MEIKIN: variants seen among roughly 807,000 people sequenced by gnomAD.
The protein encoded by MEIKIN is meiotic kinetochore factor.
intron 12 of MEIKIN, among the ~76,000 whole-genome samples, chr5:131,813,426 A>ATTT (rs771322836): frequency 9.4e-6 from 1 of 105,838 alleles, no homozygotes; most frequent in Middle Eastern, 5.3e-3. Context: ...ATTTAACTAT[A>ATTT]TTCTTTTTTT....
At chr5:131,868,897 T>C (rs1750436127) in intron 9 of MEIKIN, among the ~76,000 whole-genome samples, 1 of 152,238 alleles carries the variant, frequency 6.6e-6, no homozygotes, top group Admixed American at 6.5e-5. Context: ...CAGATATGTC[T>C]TTTGCAAATA....
Position 131,854,742 on chromosome 5 carries a change from G to A in MEIKIN, c.855+12C>T. The A allele has an allele frequency of 2.5e-6, 1 of 397,708 alleles. No homozygotes were observed. Among genetic ancestry groups the A allele is most frequent in the South Asian group, 1.3e-4 (1 of 7,842 alleles). The allele number at this position is 397,708 out of a possible 1,614,324, so 24.6% of individuals were successfully genotyped here. ...AAAACAGATACTACAAGTGCCAAAT[G>A]CTAATACTTACCACAAAACCAGCTG... On this transcript the variant is annotated intron_variant, in intron 10 of 12. Transcript: ENST00000442687.
chr5:131,850,619 C>T (rs112284874), intron 11 of MEIKIN, among the ~76,000 whole-genome samples: 198 of 152,134 alleles, frequency 1.3e-3, no homozygotes, highest in African/African-American at 4.3e-3. Flanking sequence ...AACTGGATAT[C>T]TACATGCAAA....
At chr5:131,889,902 T>C (rs1434848216) in intron 8 of MEIKIN, among the ~76,000 whole-genome samples, 1 of 152,210 alleles carries the variant, frequency 6.6e-6, no homozygotes, top group Non-Finnish European at 1.5e-5. Context: ...ACCTAATTTA[T>C]TGAGAGTTTT....
chr5:131,875,047 G>C (rs1338232255), intron 9 of MEIKIN, among the ~76,000 whole-genome samples: 1 of 152,136 alleles, frequency 6.6e-6, no homozygotes, highest in Non-Finnish European at 1.5e-5. Flanking sequence ...ATACTGAATG[G>C]CCAAAAACTG....
intron 11 of MEIKIN, among the ~76,000 whole-genome samples, chr5:131,828,977 T>C (rs557801464): frequency 6.6e-6 from 1 of 152,208 alleles, no homozygotes; most frequent in African/African-American, 2.4e-5. Flanking sequence ...CTAAGCAATG[T>C]ATAAAATAAG....
At chr5:131,850,060 A>AC (rs1447336128) in intron 11 of MEIKIN, among the ~76,000 whole-genome samples, 1 of 151,778 alleles carries the variant, frequency 6.6e-6, no homozygotes, top group Non-Finnish European at 1.5e-5. Context: ...AAAAAAACAA[A>AC]AAAAAAGAAA....
At chr5:131,883,140 A>G (rs1750726134) in intron 8 of MEIKIN, among the ~76,000 whole-genome samples, 1 of 152,230 alleles carries the variant, frequency 6.6e-6, no homozygotes, top group Non-Finnish European at 1.5e-5. Flanking sequence ...TGCCATACTT[A>G]GGTGCTTAAT....
At chr5:131,928,143 CAAAAAAA>C (rs60395354) in intron 5 of MEIKIN, among the ~76,000 whole-genome samples, 1 of 88,724 alleles carries the variant, frequency 1.1e-5, no homozygotes, top group African/African-American at 3.7e-5. Context: ...AACTCCGTCT[CAAAAAAA>C]AAAAAAAAAA....
At chr5:131,871,398 T>C (rs569582735) in intron 9 of MEIKIN, among the ~76,000 whole-genome samples, 3 of 152,180 alleles carry the variant, frequency 2.0e-5, no homozygotes, top group Admixed American at 6.5e-5. Context: ...TCTCGCTCAT[T>C]GCTAGCATAG....
intron 8 of MEIKIN, among the ~76,000 whole-genome samples, chr5:131,909,025 A>G (rs2149642423): frequency 6.6e-6 from 1 of 152,314 alleles, no homozygotes; most frequent in East Asian, 1.9e-4. Flanking sequence ...GGTTTAATGC[A>G]ATCCCTATCA....
chr5:131,940,153 C>T (rs929826994), intron 4 of MEIKIN, among the ~76,000 whole-genome samples: 2 of 152,136 alleles, frequency 1.3e-5, no homozygotes, highest in African/African-American at 4.8e-5. Context: ...CAGGGTAGAA[C>T]AAGTCACCTA....
intron 8 of MEIKIN, 106 bp from the exon 9 acceptor site, chr5:131,879,154 A>G (rs555640883): frequency 5.1e-6 from 2 of 393,516 alleles, no homozygotes; most frequent in African/African-American, 4.1e-5. Context: ...TAATATTTGT[A>G]AAACCCCTGA....
intron 8 of MEIKIN, among the ~76,000 whole-genome samples, chr5:131,910,778 AGAGT>A (rs1751321722): frequency 2.0e-5 from 3 of 152,196 alleles, no homozygotes; most frequent in South Asian, 2.1e-4. Context: ...AAAAATCTCT[AGAGT>A]AAGTGGCTTA....
At chr5:131,840,535 G>T (rs964205328) in intron 11 of MEIKIN, among the ~76,000 whole-genome samples, 3 of 152,078 alleles carry the variant, frequency 2.0e-5, no homozygotes, top group African/African-American at 7.2e-5. Flanking sequence ...TGGAGGTTTT[G>T]TTCATTCCTT....
At chr5:131,894,080 G>A (rs999505968) in intron 8 of MEIKIN, among the ~76,000 whole-genome samples, 2 of 152,144 alleles carry the variant, frequency 1.3e-5, no homozygotes, top group African/African-American at 4.8e-5. Flanking sequence ...TTTGTATAAG[G>A]TGTAAGGAAG....
chr5:131,895,038 G>T (rs924165765), intron 8 of MEIKIN, among the ~76,000 whole-genome samples: 1 of 151,770 alleles, frequency 6.6e-6, no homozygotes, highest in African/African-American at 2.4e-5. Flanking sequence ...CTGTAGGTTT[G>T]TCATAAATTT....
chr5:131,814,652 C>T (rs1235464579), intron 12 of MEIKIN, among the ~76,000 whole-genome samples: 1 of 152,098 alleles, frequency 6.6e-6, no homozygotes, highest in African/African-American at 2.4e-5. Context: ...AAATTCTCAC[C>T]AAAGGTGATC....
intron 12 of MEIKIN, among the ~76,000 whole-genome samples, chr5:131,814,153 C>T (rs1204700175): frequency 3.3e-5 from 5 of 152,062 alleles, no homozygotes; most frequent in African/African-American, 4.8e-5. Context: ...ATGTTAATCT[C>T]CTTTGGCAAT....
Sources: allele counts gnomAD v4.1 joint callset (sites outside exome capture counted in the v4.1 genomes callset), GRCh38; gene constraint gnomAD v4.1.1; transcripts MANE v1.5; gene names NCBI Gene and HGNC (gene_info 2026-07-23, HGNC 2026-07-21).